The following TRIM24 variants were observed in gnomAD, a reference collection of about 807,000 sequenced individuals.
TRIM24 encodes the protein tripartite motif containing 24.
In TRIM24, 29 loss-of-function variants were observed where a neutral mutation model predicts 123.9. The observed-to-expected ratio is 0.23, with a 90% confidence interval of 0.17 to 0.32. The LOEUF (loss-of-function observed/expected upper bound fraction) is 0.32, where lower values mean the gene tolerates loss of function less well. Among genes scored for constraint, TRIM24 ranks in the 10% least tolerant of loss-of-function variants. The probability of loss-of-function intolerance (pLI) is 1.00; values close to 1 mark genes in which losing one functional copy is unlikely to be tolerated. For synonymous variants in TRIM24, 456 were observed against 461.1 expected (o/e 0.99, Z 0.14); for missense variants, 932 against 1,295.3 (o/e 0.72, Z 4.31).
At chr7:138,516,616 A>T (rs918379414) in intron 3 of TRIM24, among the ~76,000 whole-genome samples, 18 of 152,104 alleles carry the variant, frequency 1.2e-4, no homozygotes, top group African/African-American at 3.4e-4. Flanking sequence ...TGGCCTCCCA[A>T]ACTGCTGGGA....
chr7:138,548,265 T>C (rs1797140267), intron 7 of TRIM24, among the ~76,000 whole-genome samples: 1 of 152,172 alleles, frequency 6.6e-6, no homozygotes. Context: ...TAGGCAGTTG[T>C]AACATAATGG....
intron 1 of TRIM24, among the ~76,000 whole-genome samples, chr7:138,464,606 A>G (rs1194779880): frequency 6.6e-6 from 1 of 152,130 alleles, no homozygotes; most frequent in Non-Finnish European, 1.5e-5. Flanking sequence ...AAATTTTTCT[A>G]GTATTAGATA....
intron 8 of TRIM24, among the ~76,000 whole-genome samples, 167 bp downstream of exon 8, chr7:138,551,347 G>A (rs1166050571): frequency 1.3e-5 from 2 of 152,118 alleles, no homozygotes; most frequent in African/African-American, 4.8e-5. Context: ...AGGAGTTCAA[G>A]ACCAGCCTGA....
At position 138,577,508 on chromosome 7, in the gene TRIM24, A is replaced by G; in HGVS notation, c.2176A>G (p.Asn726Asp). The change falls in exon 14 of 19, where the codon AAC becomes GAC. Residue 726 changes from asparagine (N) to aspartate (D), a missense_variant. Coordinates refer to ENST00000343526, the MANE Select transcript of TRIM24 (RefSeq NM_015905.3). ...GGAGCCAATTCGAATAAAACAAGAA[A>G]ACAGTGGACCACCGGAAAATTATGA... Reference protein sequence around the residue: ...MLEPIRIKQENSGPPENYDFP... With the variant: ...MLEPIRIKQEDSGPPENYDFP... The G allele has an allele frequency of 1.9e-6, 3 of 1,611,786 alleles. No individual in the cohort carries two copies. Among genetic ancestry groups the G allele is most frequent in the Non-Finnish European group, 2.5e-6 (3 of 1,179,132 alleles).
At chr7:138,499,253 GTAT>G (rs1795979207) in intron 1 of TRIM24, among the ~76,000 whole-genome samples, 3 of 152,116 alleles carry the variant, frequency 2.0e-5, no homozygotes, top group Admixed American at 2.0e-4. Flanking sequence ...TTGTCTGAGA[GTAT>G]TATTAAGTCC....
intron 9 of TRIM24, among the ~76,000 whole-genome samples, chr7:138,563,988 C>A (rs1584740811): frequency 6.6e-6 from 1 of 152,260 alleles, no homozygotes; most frequent in East Asian, 1.9e-4. Context: ...CAGAGAGCTG[C>A]CTGGATTACC....
In TRIM24 at chr7:138,577,412, A is replaced by T; in HGVS notation, c.2088-8A>T. The T allele has an allele frequency of 6.5e-7, 1 of 1,542,264 alleles. No individual in the cohort carries two copies. The highest frequency in any genetic ancestry group is 8.7e-7 in the Non-Finnish European group (1 of 1,149,174). ...TAGATTGCTTTTTCTTCTCTCTCAT[A>T]CTTACAGCTCTGGCTCTTCCAGCAA... On this transcript the variant is annotated splice_polypyrimidine_tract_variant and splice_region_variant and intron_variant, in intron 13 of 18. Transcript: ENST00000343526.
rs1465901372 is a variant in TRIM24 at position 138,584,066 on chromosome 7, C to G, written c.2943+67C>G. The G allele has an allele frequency of 1.7e-5, 26 of 1,519,474 alleles. No homozygotes were observed. In the East Asian group the frequency reaches 5.7e-4, roughly 33 times the overall value. The allele number at this position is 1,519,474 out of a possible 1,614,324, so 94.1% of individuals were successfully genotyped here. A position where few individuals can be genotyped will look rare whatever the true frequency, so the allele number is the denominator to read the frequency against. On this transcript the variant is annotated intron_variant, in intron 18 of 18. Transcript: ENST00000343526. ...GTGAAAATCATTTTATTACTAAACA[C>G]CTTGTCAACATAGGAGACCAAGATG...
In TRIM24 at chr7:138,487,735, G is replaced by A. The variant is rs1038101251; in HGVS notation, c.365-16555G>A. Among the ~76,000 whole-genome samples the A allele has an allele frequency of 5.3e-5, 8 of 152,120 alleles. 1 individual carries two copies. The highest frequency in any genetic ancestry group is 5.2e-4 in the Admixed American group (8 of 15,264). On this transcript the variant is annotated intron_variant, in intron 1 of 18. Transcript: ENST00000343526. ...GAATAAGCTTTTTGATATGCTGCCG[G>A]ATTTGGTTTGCCAGTATTTTATTGA... is the stretch of plus-strand genomic sequence containing the variant.
chr7:138,509,042 A>G (rs1203667574), intron 2 of TRIM24, among the ~76,000 whole-genome samples: 1 of 151,862 alleles, frequency 6.6e-6, no homozygotes, highest in Non-Finnish European at 1.5e-5. Flanking sequence ...TCCTCCTCCC[A>G]GGTTCAAGCG....
intron 1 of TRIM24, among the ~76,000 whole-genome samples, chr7:138,492,869 T>C (rs1343093187): frequency 6.6e-6 from 1 of 152,240 alleles, no homozygotes; most frequent in Non-Finnish European, 1.5e-5. Context: ...CCTCTTTCTC[T>C]TCTAGGACTT....
intron 1 of TRIM24, among the ~76,000 whole-genome samples, chr7:138,500,563 C>CAAAA (rs773042715): frequency 8.0e-4 from 49 of 61,408 alleles, no homozygotes; most frequent in Middle Eastern, 0.011. Context: ...GACCTTGTTT[C>CAAAA]AAAAAAAAAA....
chr7:138,574,912 GATAGGCAGATCGT>G (rs1298656740), intron 12 of TRIM24, among the ~76,000 whole-genome samples: 1 of 152,128 alleles, frequency 6.6e-6, no homozygotes, highest in Non-Finnish European at 1.5e-5. Context: ...TTAGGAACTG[GATAGGCAGATCGT>G]ATTTATTAAT....
chr7:138,461,572 T>C (rs1322313261), intron 1 of TRIM24, among the ~76,000 whole-genome samples: 1 of 152,208 alleles, frequency 6.6e-6, no homozygotes, highest in Non-Finnish European at 1.5e-5. Context: ...CGAAGAGAAA[T>C]AATACAAAGT....
In TRIM24 at chr7:138,579,272, G is replaced by C. The variant is rs904240178; in HGVS notation, c.2325G>C (p.Glu775Asp). ...GCAGTCAGAGCTCTACTTCTGAGGA[G>C]ACTGTGCTAAGATCAGATGCCCCTG... ...LNSSQSSTSE[E>D]TVLRSDAPDS... The change falls in exon 15 of 19, where the codon GAG (glutamate) becomes GAC (aspartate). Residue 775 changes from glutamate (E) to aspartate (D), a missense_variant. Coordinates refer to ENST00000343526, the MANE Select transcript of TRIM24 (RefSeq NM_015905.3). 7 of 1,613,954 alleles carry C rather than the reference G, an allele frequency of 4.3e-6. No homozygotes were observed. The African/African-American group carries it at 6.7e-5, about 15-fold the overall frequency.
At chr7:138,476,321 G>A (rs377677593) in intron 1 of TRIM24, among the ~76,000 whole-genome samples, 5 of 152,160 alleles carry the variant, frequency 3.3e-5, no homozygotes, top group African/African-American at 4.8e-5. Context: ...CAGGCCGGGC[G>A]TGGTGGCTCA....
At chr7:138,580,876 C>T (rs993377443) in intron 16 of TRIM24, among the ~76,000 whole-genome samples, 182 bp downstream of exon 16, 3 of 151,848 alleles carry the variant, frequency 2.0e-5, no homozygotes, top group Non-Finnish European at 2.9e-5. Flanking sequence ...TTAAAAAAAT[C>T]ACAGAATTAA....
At chr7:138,553,250 A>G (rs1318555022) in intron 8 of TRIM24, among the ~76,000 whole-genome samples, 1 of 152,148 alleles carries the variant, frequency 6.6e-6, no homozygotes, top group Non-Finnish European at 1.5e-5. Context: ...TAAACTTGTT[A>G]CCCATGGCTT....
chr7:138,476,664 G>A (rs1795409032), intron 1 of TRIM24, among the ~76,000 whole-genome samples: 1 of 151,886 alleles, frequency 6.6e-6, no homozygotes, highest in Non-Finnish European at 1.5e-5. Flanking sequence ...CTTTTTGGGT[G>A]AAACTGAGGA....
Sources: allele counts gnomAD v4.1 joint callset (sites outside exome capture counted in the v4.1 genomes callset), GRCh38; gene constraint gnomAD v4.1.1; transcripts MANE v1.5; gene names NCBI Gene and HGNC (gene_info 2026-07-23, HGNC 2026-07-21).